GRIK1: variants seen among roughly 807,000 people sequenced by gnomAD.
GRIK1 encodes the protein glutamate ionotropic receptor kainate type subunit 1.
GRIK1 carries 69 observed loss-of-function variants against 105.7 expected under a neutral mutation model. The ratio of observed to expected loss-of-function variants is 0.65; its 90% CI spans 0.54 to 0.80. GRIK1 has a LOEUF of 0.80. Among genes scored for constraint, GRIK1 ranks in the 30% least tolerant of loss-of-function variants. The pLI, the probability that GRIK1 is intolerant of heterozygous loss-of-function variation, is 0.00. For missense variants in GRIK1, 1,109 were observed against 1,167.3 expected (o/e 0.95, Z 0.73); for synonymous variants, 438 against 431.3 (o/e 1.02, Z -0.19).
intron 1 of GRIK1, among the ~76,000 whole-genome samples, chr21:29,828,001 CTG>C (rs61537062): frequency 0.33 from 49,374 of 147,472 alleles, 8,999 homozygotes; most frequent in East Asian, 0.67. Flanking sequence ...CTCTCTCTCT[CTG>C]TCTCTCTCTG....
intron 7 of GRIK1, among the ~76,000 whole-genome samples, chr21:29,629,449 T>C (rs919212686): frequency 6.6e-6 from 1 of 152,064 alleles, no homozygotes; most frequent in African/African-American, 2.4e-5. Context: ...AAATGGGTTG[T>C]TGGAAATTGA....
intron 1 of GRIK1, among the ~76,000 whole-genome samples, chr21:29,711,319 G>T (rs2146815369): frequency 6.6e-6 from 1 of 152,228 alleles, no homozygotes; most frequent in East Asian, 1.9e-4. Flanking sequence ...AAAGTATTCA[G>T]CACAGTAGCA....
intron 1 of GRIK1, among the ~76,000 whole-genome samples, chr21:29,701,506 G>A (rs1429233523): frequency 6.6e-6 from 1 of 152,208 alleles, no homozygotes; most frequent in Non-Finnish European, 1.5e-5. Flanking sequence ...TCAGAGAAGT[G>A]ATGGGTGGAT....
intron 6 of GRIK1, among the ~76,000 whole-genome samples, chr21:29,644,979 C>G (rs1407365379): frequency 1.3e-5 from 2 of 152,120 alleles, no homozygotes; most frequent in African/African-American, 4.8e-5. Context: ...ATATTCAAAC[C>G]CACAAAGTTG....
At chr21:29,575,535 T>A (rs948840849) in intron 14 of GRIK1, among the ~76,000 whole-genome samples, 2 of 151,224 alleles carry the variant, frequency 1.3e-5, no homozygotes, top group African/African-American at 2.4e-5. Context: ...AAAGATTATT[T>A]AAAAAAAAAT....
In GRIK1 at chr21:29,891,675, T is replaced by C. The variant is rs1285250672; in HGVS notation, c.118+47708A>G. ...GTTTGATCTTTACCATATCAGATCC[T>C]TCAGATGGTTGAGTGTAAATGGGAG... On this transcript the variant is annotated intron_variant, in intron 1 of 17. Transcript: ENST00000327783. 4.6e-5 allele frequency among the ~76,000 whole-genome samples: 7 copies of C among 152,324 alleles called. No homozygotes were observed. The East Asian group carries it at 1.2e-3, about 25-fold the overall frequency.
intron 1 of GRIK1, among the ~76,000 whole-genome samples, chr21:29,827,016 T>A (rs2067479128): frequency 6.6e-6 from 1 of 152,106 alleles, no homozygotes; most frequent in Non-Finnish European, 1.5e-5. Flanking sequence ...TGCAAAAGCA[T>A]GTTATTGTGA....
intron 10 of GRIK1, 48 bp from the exon 11 acceptor site, chr21:29,589,090 G>A: frequency 9.9e-7 from 1 of 1,011,134 alleles, no homozygotes; most frequent in Non-Finnish European, 1.5e-6. Flanking sequence ...ATGAAAGGAA[G>A]AGTTTACCCT....
chr21:29,883,949 T>C (rs2069517069), intron 1 of GRIK1, among the ~76,000 whole-genome samples: 1 of 151,942 alleles, frequency 6.6e-6, no homozygotes, highest in African/African-American at 2.4e-5. Context: ...AGGCCTGAGA[T>C]ATTGAAGTCC....
chr21:29,636,310 G>A (rs2832416), intron 7 of GRIK1, among the ~76,000 whole-genome samples: 34,071 of 152,044 alleles, frequency 0.22, 3,972 homozygotes, highest in Non-Finnish European at 0.26. Context: ...GGAAGCTCTA[G>A]GACTGTCATT....
At chr21:29,792,530 T>G (rs527789321) in intron 1 of GRIK1, among the ~76,000 whole-genome samples, 6 of 152,336 alleles carry the variant, frequency 3.9e-5, no homozygotes, top group African/African-American at 1.4e-4. Context: ...AAAGCAAGTT[T>G]CATCCCAAGT....
chr21:29,626,428 G>A (rs538840142), intron 7 of GRIK1, among the ~76,000 whole-genome samples: 1 of 152,234 alleles, frequency 6.6e-6, no homozygotes, highest in Admixed American at 6.5e-5. Flanking sequence ...CATCCAGGGT[G>A]AACGGTGTCT....
intron 1 of GRIK1, among the ~76,000 whole-genome samples, chr21:29,884,684 G>T (rs1281250128): frequency 6.6e-6 from 1 of 152,048 alleles, no homozygotes; most frequent in Non-Finnish European, 1.5e-5. Flanking sequence ...ATCAGCTATT[G>T]TGCTACATGC....
chr21:29,665,410 G>A (rs2063040538), intron 4 of GRIK1, among the ~76,000 whole-genome samples: 1 of 152,166 alleles, frequency 6.6e-6, no homozygotes, highest in South Asian at 2.1e-4. Flanking sequence ...TACCGCCAAA[G>A]TAATTATATA....
At chr21:29,691,251 C>T (rs1467200326) in intron 2 of GRIK1, among the ~76,000 whole-genome samples, 1 of 152,188 alleles carries the variant, frequency 6.6e-6, no homozygotes, top group African/African-American at 2.4e-5. Flanking sequence ...GCAGAGATTG[C>T]AGTGAACTGA....
intron 1 of GRIK1, among the ~76,000 whole-genome samples, chr21:29,825,928 G>T (rs458874): frequency 0.39 from 59,011 of 151,874 alleles, 12,566 homozygotes; most frequent in East Asian, 0.7. Flanking sequence ...AACCTGCCTG[G>T]TCTTGTTTAA....
At chr21:29,778,453 T>C (rs1285549209) in intron 1 of GRIK1, among the ~76,000 whole-genome samples, 3 of 152,238 alleles carry the variant, frequency 2.0e-5, no homozygotes, top group African/African-American at 7.2e-5. Context: ...AGCAGTTTAT[T>C]GTTTCGTGTG....
intron 1 of GRIK1, among the ~76,000 whole-genome samples, chr21:29,934,376 G>T (rs545881072): frequency 6.6e-6 from 1 of 152,248 alleles, no homozygotes; most frequent in African/African-American, 2.4e-5. Flanking sequence ...GGAAAGATCT[G>T]CTCATTTGCA....
chr21:29,698,256 C>T (rs2063748918), intron 1 of GRIK1, among the ~76,000 whole-genome samples: 1 of 152,158 alleles, frequency 6.6e-6, no homozygotes, highest in South Asian at 2.1e-4. Flanking sequence ...CTCTGTCTCT[C>T]ATTTGAGCTT....
Sources: allele counts gnomAD v4.1 joint callset (sites outside exome capture counted in the v4.1 genomes callset), GRCh38; gene constraint gnomAD v4.1.1; transcripts MANE v1.5; gene names NCBI Gene and HGNC (gene_info 2026-07-23, HGNC 2026-07-21).